Variants in TCN2 observed in about 807,000 individuals in gnomAD.
The protein encoded by TCN2 is transcobalamin-2.
TCN2 carries 34 observed loss-of-function variants against 48.6 expected under a neutral mutation model. The ratio of observed to expected loss-of-function variants is 0.70; its 90% confidence interval spans 0.53 to 0.93. The LOEUF (loss-of-function observed/expected upper bound fraction) is 0.93, where lower values mean the gene tolerates loss of function less well. TCN2 is among the 40% of genes least tolerant of loss of function. TCN2 has a pLI of 0.00. For missense variants in TCN2, 652 were observed against 526.1 expected (o/e 1.24, Z -2.34); for synonymous variants, 283 against 212.5 (o/e 1.33, Z -2.89).
rs141133677 is a variant in TCN2, at chr22:30,619,255, T to A, written c.1106+1760T>A. On this transcript the variant is annotated intron_variant, in intron 7 of 8. Coordinates refer to ENST00000215838, the MANE Select transcript of TCN2 (RefSeq NM_000355.4). ...ACGCTTGGCAAATATTTTTTTAAAA[T>A]TTTTTGTAGACATGGGATTGCTTCA... Among the ~76,000 whole-genome samples, 361 of 152,258 alleles carry A rather than the reference T, an allele frequency of 2.4e-3. 2 individuals are homozygous for A. Among genetic ancestry groups the A allele is most frequent in the African/African-American group, 8.1e-3 (338 of 41,558 alleles).
intron 8 of TCN2, among the ~76,000 whole-genome samples, chr22:30,623,626 CTAT>C (rs1453406701): frequency 6.6e-6 from 1 of 151,050 alleles, no homozygotes; most frequent in Non-Finnish European, 1.5e-5. Context: ...TGGAGCCATG[CTAT>C]CCAGTGGAAA....
rs117063975 is a variant in TCN2, at chr22:30,608,858, T to G, written c.64+1463T>G. Among the ~76,000 whole-genome samples the G allele has an allele frequency of 1.8e-3, 280 of 152,284 alleles. 1 individual carries two copies. The highest frequency in any genetic ancestry group is 8.7e-3 in the East Asian group (45 of 5,172). On this transcript the variant is annotated intron_variant, in intron 1 of 8. Coordinates refer to ENST00000215838, the MANE Select transcript of TCN2 (RefSeq NM_000355.4). Reference sequence around the variant, plus strand: ...GATCTGGTCCTCAGCCTTGGACAGTTAGTCCATTAACCTGACCCCACAGGA... The same window carrying G: ...GATCTGGTCCTCAGCCTTGGACAGTGAGTCCATTAACCTGACCCCACAGGA...
At position 30,615,452 on chromosome 22, in the gene TCN2, C is replaced by T; in HGVS notation, c.732C>T (p.Tyr244=). The T allele has an allele frequency of 1.9e-6, 3 of 1,614,180 alleles. No homozygotes were observed. The highest frequency in any genetic ancestry group is 1.1e-5 in the South Asian group (1 of 91,082). Residue 244 remains tyrosine (Y), a synonymous_variant, in exon 5 of 9, where the codon TAC becomes TAT. Coordinates refer to ENST00000215838, the MANE Select transcript of TCN2 (RefSeq NM_000355.4). ...CCGAGGGCCACTTTGGGAATGTCTACAGCACCCCATTGGCATTACAGGTGG... is the reference window on the plus strand; with the variant it reads ...CCGAGGGCCACTTTGGGAATGTCTATAGCACCCCATTGGCATTACAGGTGG... ...QTPEGHFGNV[Y]STPLALQFLM...
intron 8 of TCN2, among the ~76,000 whole-genome samples, chr22:30,624,419 A>G (rs976960130): frequency 1.3e-5 from 2 of 151,998 alleles, no homozygotes; most frequent in Admixed American, 6.6e-5. Context: ...CTTGTTATTT[A>G]AGTTGCTTTG....
chr22:30,625,402 TA>T (rs10579068), intron 8 of TCN2, among the ~76,000 whole-genome samples: 19,654 of 149,688 alleles, frequency 0.13, 1,408 homozygotes, highest in Admixed American at 0.16. Flanking sequence ...TTTTTTAATT[TA>T]AAAAAAAAAA....
At position 30,614,313 on chromosome 22, in the gene TCN2, G is replaced by T. The variant is rs759587689; in HGVS notation, c.428-36G>T. Reference sequence around the variant, plus strand: ...TGGCGGGGCTGGCTGCTGGGTGGGGGCAGAGAGGCAACCCCTCTGTTTTTT... The same window carrying T: ...TGGCGGGGCTGGCTGCTGGGTGGGGTCAGAGAGGCAACCCCTCTGTTTTTT... On this transcript the variant is annotated intron_variant, in intron 3 of 8. Transcript: ENST00000215838. The T allele has an allele frequency of 6.8e-6, 11 of 1,607,724 alleles. 1 individual carries two copies. In the East Asian group the frequency reaches 2.5e-4, roughly 36 times the overall value.
Position 30,615,451 on chromosome 22 carries a change from A to G in TCN2, c.731A>G (p.Tyr244Cys), listed in dbSNP as rs1042954108. 2.5e-6 allele frequency: 4 copies of G among 1,614,174 alleles called. No individual in the cohort carries two copies. The highest frequency in any genetic ancestry group is 3.4e-6 in the Non-Finnish European group (4 of 1,180,046). Residue 244 changes from tyrosine to cysteine, a missense_variant, in exon 5 of 9, where the codon TAC becomes TGC. Coordinates refer to ENST00000215838, the MANE Select transcript of TCN2 (RefSeq NM_000355.4). ...CCCGAGGGCCACTTTGGGAATGTCT[A>G]CAGCACCCCATTGGCATTACAGGTG... Reference protein sequence around the residue: ...QTPEGHFGNVYSTPLALQFLM... With the variant: ...QTPEGHFGNVCSTPLALQFLM...
chr22:30,613,095 A>G (rs2087565251), intron 3 of TCN2, 53 bp downstream of exon 3: 3 of 1,600,502 alleles, frequency 1.9e-6, no homozygotes, highest in Admixed American at 1.7e-5. Flanking sequence ...GGCTCATCAG[A>G]TGATATTCTC....
intron 4 of TCN2, among the ~76,000 whole-genome samples, chr22:30,615,029 A>T (rs972602631): frequency 6.6e-6 from 1 of 152,134 alleles, no homozygotes; most frequent in African/African-American, 2.4e-5. Context: ...CTTCTCCCTA[A>T]CCTCTAGCCC....
At chr22:30,616,626 C>T (rs1475205809) in intron 6 of TCN2, among the ~76,000 whole-genome samples, 1 of 152,022 alleles carries the variant, frequency 6.6e-6, no homozygotes, top group Admixed American at 6.6e-5. Flanking sequence ...CATGGTGAAA[C>T]CCTGTCTTTA....
At chr22:30,623,606 T>A (rs2087731483) in intron 8 of TCN2, among the ~76,000 whole-genome samples, 2 of 151,534 alleles carry the variant, frequency 1.3e-5, no homozygotes, top group Admixed American at 1.3e-4. Flanking sequence ...AGTAAGTTTT[T>A]CATAAAAAAT....
intron 1 of TCN2, among the ~76,000 whole-genome samples, chr22:30,608,158 C>T (rs72556575): frequency 2.6e-5 from 4 of 152,280 alleles, no homozygotes; most frequent in African/African-American, 9.6e-5. Flanking sequence ...AACTTTGGGC[C>T]GCCCACGCGC....
Position 30,607,235 on chromosome 22 carries a change from C to G in TCN2, c.-97C>G. The G allele has an allele frequency of 1.5e-6, 2 of 1,317,048 alleles. No individual in the cohort carries two copies. The highest frequency in any genetic ancestry group is 2.2e-6 in the Non-Finnish European group (2 of 912,648). 81.6% of individuals were successfully genotyped at this position (1,317,048 alleles called of 1,614,324 possible). A position where few individuals can be genotyped will look rare whatever the true frequency, so the allele number is the denominator to read the frequency against. On this transcript the variant is annotated 5_prime_UTR_variant, in exon 1 of 9. Coordinates refer to ENST00000215838, the MANE Select transcript of TCN2 (RefSeq NM_000355.4). The stretch of plus-strand genomic sequence containing the variant: ...ATCAGTGACAGGAAGCTGCGTCTCT[C>G]GGAGCGGTGACCAGCTGTGGTCAGG...
At chr22:30,618,591 T>G (rs2087649994) in intron 7 of TCN2, among the ~76,000 whole-genome samples, 1 of 152,210 alleles carries the variant, frequency 6.6e-6, no homozygotes, top group African/African-American at 2.4e-5. Flanking sequence ...ACTCGGGTGA[T>G]CTGCCTGCCT....
chr22:30,617,251 C>T (rs2145547834), intron 6 of TCN2, 79 bp from the exon 7 acceptor site: 2 of 1,597,696 alleles, frequency 1.3e-6, no homozygotes, highest in South Asian at 1.1e-5. Context: ...TCCAGGTGTC[C>T]TTGAGGGAAG....
At chr22:30,608,541 A>G (rs184962611) in intron 1 of TCN2, among the ~76,000 whole-genome samples, 2 of 152,022 alleles carry the variant, frequency 1.3e-5, no homozygotes, top group African/African-American at 4.8e-5. Context: ...TGTGCATACT[A>G]CCATGCTTGG....
chr22:30,624,851 A>T (rs2087780225), intron 8 of TCN2, among the ~76,000 whole-genome samples: 1 of 152,206 alleles, frequency 6.6e-6, no homozygotes, highest in Non-Finnish European at 1.5e-5. Flanking sequence ...GGGAGTTATA[A>T]TTTGAGTTCT....
chr22:30,623,298 A>C (rs1602055983), intron 8 of TCN2: 2 of 329,424 alleles, frequency 6.1e-6, no homozygotes, highest in South Asian at 3.8e-5. Context: ...ACAGATTACA[A>C]AAAAAAAAAA....
Position 30,615,698 on chromosome 22 carries a change from A to G in TCN2, c.851A>G (p.Gln284Arg), listed in dbSNP as rs1316694869. The change falls in exon 6 of 9, where the codon CAG becomes CGG. Residue 284 changes from glutamine (Q) to arginine (R), a missense_variant. Gln to Arg is a conservative substitution (Grantham distance 43). Transcript: ENST00000215838. ...LLASLQDGAF[Q>R]NALMISQLLP... ...GCCAGTCTGCAGGATGGAGCCTTCC[A>G]GAATGCTCTCATGATTTCCCAGCTG... 1.9e-6 allele frequency: 3 copies of G among 1,614,242 alleles called. No individual in the cohort carries two copies. Among genetic ancestry groups the G allele is most frequent in the Non-Finnish European group, 2.5e-6 (3 of 1,180,042 alleles).
Sources: gnomAD v4.1 joint callset for allele counts (sites outside exome capture counted in the v4.1 genomes callset) on GRCh38, gnomAD v4.1.1 for gene constraint, MANE v1.5 for transcripts, NCBI Gene and HGNC (gene_info 2026-07-23, HGNC 2026-07-21) for gene names.